The following NUGGC variants were observed in gnomAD, a reference collection of about 807,000 sequenced individuals.
NUGGC encodes the protein nuclear GTPase SLIP-GC.
A neutral mutation model predicts 92.6 loss-of-function variants in NUGGC; 58 were observed. The observed-to-expected ratio is 0.63, with a 90% CI of 0.51 to 0.78. The LOEUF (loss-of-function observed/expected upper bound fraction) is 0.78. Among genes scored for constraint, NUGGC ranks in the 30% least tolerant of loss-of-function variants. The pLI is 0.00. For missense variants in NUGGC, 925 were observed against 964.6 expected, an observed-to-expected ratio of 0.96 and a Z score of 0.54; for synonymous variants, 376 against 366.4, an observed-to-expected ratio of 1.03 and a Z score of -0.30.
rs532910727 is a variant in NUGGC at position 28,029,501 on chromosome 8, C to A, written c.2018-99G>T. 9.3e-6 allele frequency: 13 copies of A among 1,391,530 alleles called. No homozygotes were observed. The East Asian group carries it at 1.5e-4, about 16-fold the overall frequency. 86.2% of individuals were successfully genotyped at this position (1,391,530 alleles called of 1,614,324 possible). A position where few individuals can be genotyped will look rare whatever the true frequency, so the allele number is the denominator to read the frequency against. ...TGGTGGCTCACACCTGTAATCCCAG[C>A]GCTTTGGGAGGCTGAAGTGGGCAGA... On this transcript the variant is annotated intron_variant, in intron 16 of 18. Coordinates refer to ENST00000413272, the MANE Select transcript of NUGGC (RefSeq NM_001010906.2).
At chr8:28,039,257 G>T (rs1227168752) in intron 13 of NUGGC, among the ~76,000 whole-genome samples, 4 of 149,360 alleles carry the variant, frequency 2.7e-5, no homozygotes, top group Non-Finnish European at 5.9e-5. Flanking sequence ...TTTTGAGATG[G>T]AGTCTCACTC....
chr8:28,023,304 T>C lies in NUGGC; in HGVS notation c.*13A>G, dbSNP rs1401002851. On this transcript the variant is annotated 3_prime_UTR_variant, in exon 19 of 19. Transcript: ENST00000413272. Reference sequence around the variant, plus strand: ...GGGCTGATTTTTCATCCATTGGGACTAAGCCCCAGGAGTTACAGTGATGTC... The same window carrying C: ...GGGCTGATTTTTCATCCATTGGGACCAAGCCCCAGGAGTTACAGTGATGTC... 6.2e-7 allele frequency: 1 copy of C among 1,609,824 alleles called. No homozygotes were observed. The highest frequency in any genetic ancestry group is 8.5e-7 in the Non-Finnish European group (1 of 1,178,248).
chr8:28,060,279 TCACC>T (rs1284976710), intron 8 of NUGGC, 143 bp downstream of exon 8: 6 of 826,126 alleles, frequency 7.3e-6, no homozygotes, highest in Admixed American at 6.0e-5. Flanking sequence ...TCCCAGGAAG[TCACC>T]CAGCCTTTTC....
intron 10 of NUGGC, among the ~76,000 whole-genome samples, chr8:28,053,471 G>A (rs1174712941): frequency 1.3e-5 from 2 of 150,660 alleles, no homozygotes; most frequent in Admixed American, 6.7e-5. Context: ...GGCTAACAGA[G>A]TGAGACCCAT....
At chr8:28,042,629 C>T (rs984363634) in intron 12 of NUGGC, among the ~76,000 whole-genome samples, 3 of 152,196 alleles carry the variant, frequency 2.0e-5, no homozygotes, top group Non-Finnish European at 4.4e-5. Context: ...CTCCTGCCTC[C>T]TGCCGTATGA....
chr8:28,030,344 G>A lies in NUGGC; in HGVS notation c.1983C>T (p.Ala661=), dbSNP rs1372601144. ...AGAGCTTCAGGTCACTCTGGACAGA[G>A]GCAGTGAGGGACTCGTAGATCCTCC... The part of the protein sequence containing the change: ...RKRRIYESLT[A]SVQSDLKLCY... The change falls in exon 16 of 19, where the codon GCC becomes GCT. Residue 661 remains alanine (A), a synonymous_variant. Transcript: ENST00000413272. The A allele has an allele frequency of 3.2e-6, 5 of 1,578,010 alleles. No homozygotes were observed. Among genetic ancestry groups the A allele is most frequent in the African/African-American group, 1.3e-5 (1 of 74,252 alleles).
chr8:28,079,044 G>A (rs1478297122), intron 1 of NUGGC, among the ~76,000 whole-genome samples: 3 of 152,166 alleles, frequency 2.0e-5, no homozygotes, highest in Non-Finnish European at 4.4e-5. Context: ...ATAAGACTGT[G>A]CACATTCAGC....
At chr8:28,034,461 C>T (rs187235962) in intron 13 of NUGGC, among the ~76,000 whole-genome samples, 1 of 152,296 alleles carries the variant, frequency 6.6e-6, no homozygotes, top group East Asian at 1.9e-4. Context: ...GTATAATTCT[C>T]TCTTTTTTCT....
chr8:28,053,389 G>A (rs1810054663), intron 10 of NUGGC, among the ~76,000 whole-genome samples: 1 of 151,960 alleles, frequency 6.6e-6, no homozygotes, highest in Non-Finnish European at 1.5e-5. Flanking sequence ...GCGGAGTGCG[G>A]GCAGGAAGAT....
At chr8:28,032,914 C>G (rs920615875) in intron 14 of NUGGC, among the ~76,000 whole-genome samples, 7 of 152,040 alleles carry the variant, frequency 4.6e-5, no homozygotes, top group Non-Finnish European at 1.0e-4. Flanking sequence ...AATCCCAGCA[C>G]TTTGGGAGGA....
At position 28,081,200 on chromosome 8, in the gene NUGGC, T is replaced by G. The variant is rs190375338; in HGVS notation, c.-47+2575A>C. ...TGGGCATGGTGCAGCATGCCTGTAA[T>G]TCCAGCTGCTTGGGAGACTGAGGCA... On this transcript the variant is annotated intron_variant, in intron 1 of 18. Transcript: ENST00000413272. 3.4e-3 allele frequency among the ~76,000 whole-genome samples: 510 copies of G among 152,100 alleles called. 2 individuals are homozygous for G. The highest frequency in any genetic ancestry group is 5.8e-3 in the Non-Finnish European group (393 of 67,986).
rs1220414521 is a variant in NUGGC at position 28,033,534 on chromosome 8, C to T, written c.1769+6G>A. On this transcript the variant is annotated splice_donor_region_variant and intron_variant, in intron 14 of 18. Coordinates refer to ENST00000413272, the MANE Select transcript of NUGGC (RefSeq NM_001010906.2). ...TCCCGAAGGTGCAAGATGAGAGATC[C>T]TTTACCTAAAAATGCTTCCAAAAAC... 2 of 1,612,022 alleles carry T rather than the reference C, an allele frequency of 1.2e-6. No homozygotes were observed. Among genetic ancestry groups the T allele is most frequent in the Admixed American group, 1.7e-5 (1 of 59,590 alleles).
chr8:28,060,767 T>G (rs1810284231), intron 7 of NUGGC, among the ~76,000 whole-genome samples, 166 bp from the exon 8 acceptor site: 1 of 152,134 alleles, frequency 6.6e-6, no homozygotes, highest in Non-Finnish European at 1.5e-5. Context: ...ATTTCTCATA[T>G]GTGCCTTGTT....
At chr8:28,064,047 C>A (rs942559713) in intron 7 of NUGGC, among the ~76,000 whole-genome samples, 1 of 152,186 alleles carries the variant, frequency 6.6e-6, no homozygotes, top group Non-Finnish European at 1.5e-5. Context: ...CCCTCCTCCA[C>A]GGACCCCATG....
intron 10 of NUGGC, among the ~76,000 whole-genome samples, chr8:28,050,806 G>A (rs569806863): frequency 6.7e-4 from 94 of 141,222 alleles, no homozygotes; most frequent in East Asian, 3.9e-3. Context: ...GCCAGGCTCC[G>A]TCTCAAAAAA....
rs375803873 is a variant in NUGGC, at chr8:28,070,241, A to G, written c.148+11T>C. 5 of 1,538,632 alleles carry G rather than the reference A, an allele frequency of 3.2e-6. No individual in the cohort carries two copies. Among genetic ancestry groups the G allele is most frequent in the Non-Finnish European group, 4.4e-6 (5 of 1,135,058 alleles). ...CGAACCATGTTAAAACAACAGTTCC[A>G]AGACACTCACATTCCTTAAGAGCAC... On this transcript the variant is annotated intron_variant, in intron 3 of 18. Coordinates refer to ENST00000413272, the MANE Select transcript of NUGGC (RefSeq NM_001010906.2).
chr8:28,040,271 A>G (rs1809658358), intron 13 of NUGGC, among the ~76,000 whole-genome samples: 2 of 152,224 alleles, frequency 1.3e-5, no homozygotes, highest in South Asian at 4.1e-4. Flanking sequence ...CAGAAACTCT[A>G]TACAACTAAT....
In NUGGC at chr8:28,045,623, G is replaced by A. The variant is rs1192297674; in HGVS notation, c.1350C>T (p.Leu450=). 1 of 1,613,256 alleles carries A rather than the reference G, an allele frequency of 6.2e-7. No individual in the cohort carries two copies. ...PKLREYIRKS[L]LDKKKRTVTK... is the part of the protein sequence containing the mutation. The stretch of plus-strand genomic sequence containing the variant: ...TCACTGTCCTCTTCTTCTTGTCCAA[G>A]AGGCTCTTCCTGATGTATTCTCTTA... Residue 450 remains leucine, a synonymous_variant, in exon 12 of 19, where the codon CTC becomes CTT. Transcript: ENST00000413272.
intron 14 of NUGGC, among the ~76,000 whole-genome samples, chr8:28,032,528 T>C (rs1009237796): frequency 8.6e-5 from 13 of 151,680 alleles, no homozygotes; most frequent in East Asian, 5.9e-4. Context: ...CCATCCTGGC[T>C]AACATGGTGA....
Sources: allele counts gnomAD v4.1 joint callset (sites outside exome capture counted in the v4.1 genomes callset), GRCh38; gene constraint gnomAD v4.1.1; transcripts MANE v1.5; gene names NCBI Gene and HGNC (gene_info 2026-07-23, HGNC 2026-07-21).